Variants in PDILT observed in about 807,000 individuals in gnomAD.
PDILT encodes the protein protein disulfide isomerase like, testis expressed.
PDILT carries 43 observed loss-of-function variants against 53.7 expected under a neutral mutation model. The ratio of observed to expected loss-of-function variants is 0.80; its 90% CI spans 0.63 to 1.03. The LOEUF is 1.03. PDILT is among the 50% of genes least tolerant of loss of function. The pLI is 0.00. For synonymous variants in PDILT, 282 were observed against 274.2 expected, an observed-to-expected ratio of 1.03 and a Z score of -0.28; for missense variants, 727 against 712.3, an observed-to-expected ratio of 1.02 and a Z score of -0.24.
Position 20,362,397 on chromosome 16 carries a change from C to T in PDILT, c.1416+7G>A, listed in dbSNP as rs769750254. ...TTTCAGCCATGTGCGTCCCAAGAGC[C>T]CCTCACTTGTTGAGAGCCGCTGGGG... On this transcript the variant is annotated splice_region_variant and intron_variant, in intron 10 of 11. Transcript: ENST00000302451. 1 of 1,613,522 alleles carries T rather than the reference C, an allele frequency of 6.2e-7. No homozygotes were observed. Among genetic ancestry groups the T allele is most frequent in the Non-Finnish European group, 8.5e-7 (1 of 1,179,634 alleles).
intron 2 of PDILT, among the ~76,000 whole-genome samples, chr16:20,397,860 C>T (rs960268534): frequency 6.6e-6 from 1 of 152,222 alleles, no homozygotes; most frequent in Admixed American, 6.5e-5. Flanking sequence ...GTCCTGGAAG[C>T]AGGCCTTAGG....
At chr16:20,392,364 C>T (rs1966615615) in intron 2 of PDILT, among the ~76,000 whole-genome samples, 1 of 152,060 alleles carries the variant, frequency 6.6e-6, no homozygotes, top group Admixed American at 6.5e-5. Context: ...TGTGGGACTG[C>T]AAAGAACATT....
rs964521112 is a variant in PDILT, at chr16:20,402,443, C to A, written c.-8+2053G>T. Among the ~76,000 whole-genome samples the A allele has an allele frequency of 3.3e-5, 5 of 152,256 alleles. No individual in the cohort carries two copies. The East Asian group carries it at 5.8e-4, about 18-fold the overall frequency. ...CCTCTGGAGTAGCTGGGATTATAGG[C>A]GCGTGCCATCATGCCCGGCTAATTT... is the stretch of plus-strand genomic sequence containing the variant. On this transcript the variant is annotated intron_variant, in intron 1 of 11. Transcript: ENST00000302451.
Position 20,366,991 on chromosome 16 carries a change from T to C in PDILT, c.1117-1451A>G, listed in dbSNP as rs201779175. On this transcript the variant is annotated intron_variant, in intron 8 of 11. Coordinates refer to ENST00000302451, the MANE Select transcript of PDILT (RefSeq NM_174924.2). ...TCCTTCCTTCCTTCCTTCCTTCCTT[T>C]CTTTCTTTCTTTATTTATTTCTCTC... Among the ~76,000 whole-genome samples the C allele has an allele frequency of 3.3e-3, 455 of 138,862 alleles. 13 individuals are homozygous for C. The highest frequency in any genetic ancestry group is 0.015 in the East Asian group (60 of 3,974). The allele number at this position is 138,862 out of a possible 152,430, so 91.1% of individuals were successfully genotyped here.
chr16:20,374,309 G>A (rs1022534115), intron 5 of PDILT, among the ~76,000 whole-genome samples: 3 of 152,038 alleles, frequency 2.0e-5, no homozygotes, highest in Admixed American at 6.6e-5. Flanking sequence ...GTGAAGGAGA[G>A]GGAAGTGTTA....
At chr16:20,385,362 T>C (rs534200358) in intron 2 of PDILT, among the ~76,000 whole-genome samples, 1 of 152,250 alleles carries the variant, frequency 6.6e-6, no homozygotes, top group Non-Finnish European at 1.5e-5. Flanking sequence ...CAGTGAGAGG[T>C]AAGGCCAGGA....
intron 3 of PDILT, among the ~76,000 whole-genome samples, chr16:20,376,878 G>C (rs1052099057): frequency 4.6e-5 from 7 of 152,180 alleles, no homozygotes; most frequent in African/African-American, 7.2e-5. Flanking sequence ...GGTACAGAAG[G>C]CTATACACAG....
rs5816105 is a variant in PDILT, at chr16:20,361,205, T to TTTTG, written c.1417-549_1417-548insCAAA. ...TCCCTTTCCTCTTTTTTTTTTTTTT[T>TTTTG]ATATGGAATCTTGCTCTGTCACCAT... is the stretch of plus-strand genomic sequence containing the variant. On this transcript the variant is annotated intron_variant, in intron 10 of 11. Transcript: ENST00000302451. Among the ~76,000 whole-genome samples, 8 of 134,796 alleles carry TTTTG rather than the reference T, an allele frequency of 5.9e-5. 2 individuals carry two copies. The highest frequency in any genetic ancestry group is 3.2e-5 in the Non-Finnish European group (2 of 63,242). The allele number at this position is 134,796 out of a possible 152,430, so 88.4% of individuals were successfully genotyped here.
chr16:20,389,429 T>C (rs142043570), intron 2 of PDILT, among the ~76,000 whole-genome samples: 98 of 152,296 alleles, frequency 6.4e-4, no homozygotes, highest in African/African-American at 2.3e-3. Context: ...TTTGATGACA[T>C]AGGTGGAGAC....
Position 20,367,746 on chromosome 16 carries a change from G to A in PDILT, c.1116+1746C>T, listed in dbSNP as rs139256805. Among the ~76,000 whole-genome samples, 4 of 152,188 alleles carry A rather than the reference G, an allele frequency of 2.6e-5. No homozygotes were observed. The East Asian group carries it at 7.7e-4, about 29-fold the overall frequency. On this transcript the variant is annotated intron_variant, in intron 8 of 11. Coordinates refer to ENST00000302451, the MANE Select transcript of PDILT (RefSeq NM_174924.2). ...AGTGGGAATGGGATATGAGGAGAGA[G>A]AGACTCTGAGATTTAAAAATGAACA...
At chr16:20,399,359 C>T (rs1966702433) in intron 1 of PDILT, 52 bp from the exon 2 acceptor site, 1 of 1,566,502 alleles carries the variant, frequency 6.4e-7, no homozygotes, top group Non-Finnish European at 8.7e-7. Context: ...GTGGTGGAGC[C>T]CCACGTCATC....
In PDILT at chr16:20,359,575, A is replaced by G; in HGVS notation, c.1507-8T>C. ...TTGCTCAACAGACAACAGCTATGAA[A>G]GCAAAGGTGGAAGGAAGAAGGGAGG... On this transcript the variant is annotated splice_polypyrimidine_tract_variant and splice_region_variant and intron_variant, in intron 11 of 11. Coordinates refer to ENST00000302451, the MANE Select transcript of PDILT (RefSeq NM_174924.2). 6.2e-7 allele frequency: 1 copy of G among 1,611,906 alleles called. No individual in the cohort carries two copies. The highest frequency in any genetic ancestry group is 8.5e-7 in the Non-Finnish European group (1 of 1,178,178).
intron 1 of PDILT, among the ~76,000 whole-genome samples, chr16:20,400,223 C>T (rs1158996222): frequency 6.6e-6 from 1 of 151,804 alleles, no homozygotes; most frequent in East Asian, 1.9e-4. Context: ...TACAGATGCC[C>T]ACCACCACAC....
intron 2 of PDILT, among the ~76,000 whole-genome samples, chr16:20,388,321 T>C (rs1966566020): frequency 6.6e-6 from 1 of 152,320 alleles, no homozygotes. Flanking sequence ...TCCTGTGAGT[T>C]ATCTGTGATT....
intron 1 of PDILT, among the ~76,000 whole-genome samples, chr16:20,402,082 T>C (rs922956559): frequency 1.3e-5 from 2 of 152,238 alleles, no homozygotes; most frequent in Admixed American, 1.3e-4. Context: ...TGCTCACTCA[T>C]TCATTCATCA....
intron 4 of PDILT, 108 bp downstream of exon 4, chr16:20,375,960 T>G: frequency 7.3e-7 from 1 of 1,379,132 alleles, no homozygotes; most frequent in Non-Finnish European, 9.9e-7. Context: ...GATCATTGGA[T>G]GGAGAAAATT....
At chr16:20,373,183 A>C in intron 5 of PDILT, 61 bp from the exon 6 acceptor site, 3 of 1,326,412 alleles carry the variant, frequency 2.3e-6, no homozygotes, top group Middle Eastern at 1.9e-4. Context: ...CCACTTAATA[A>C]ATATAAATAG....
intron 1 of PDILT, among the ~76,000 whole-genome samples, chr16:20,403,070 G>A (rs1334862709): frequency 6.6e-6 from 1 of 152,158 alleles, no homozygotes; most frequent in East Asian, 1.9e-4. Flanking sequence ...TCGAGGGGCT[G>A]GTCACCAGCC....
intron 2 of PDILT, among the ~76,000 whole-genome samples, chr16:20,392,532 C>G (rs1966617571): frequency 6.6e-6 from 1 of 152,178 alleles, no homozygotes. Context: ...TTGAAGAAAG[C>G]TTTCATAGTG....
Sources: gnomAD v4.1 joint callset for allele counts (sites outside exome capture counted in the v4.1 genomes callset) on GRCh38, gnomAD v4.1.1 for gene constraint, MANE v1.5 for transcripts, NCBI Gene and HGNC (gene_info 2026-07-23, HGNC 2026-07-21) for gene names.